Variants in MROH2B observed in about 807,000 individuals in gnomAD.
MROH2B encodes the protein maestro heat-like repeat-containing protein family member 2B.
MROH2B carries 177 observed loss-of-function variants against 208.6 expected under a neutral mutation model. That is an observed-to-expected ratio of 0.85 (90% CI 0.75 to 0.96). The LOEUF is 0.96. MROH2B is among the 40% of genes least tolerant of loss of function. The pLI, the probability that MROH2B is intolerant of heterozygous loss-of-function variation, is 0.00. For missense variants in MROH2B, 2,002 were observed against 1,878.7 expected, an observed-to-expected ratio of 1.07 and a Z score of -1.21; for synonymous variants, 728 against 659.0, an observed-to-expected ratio of 1.10 and a Z score of -1.60.
At chr5:41,061,937 A>G (rs1579959688) in intron 5 of MROH2B, among the ~76,000 whole-genome samples, 2 of 149,016 alleles carry the variant, frequency 1.3e-5, no homozygotes, top group East Asian at 3.9e-4. Flanking sequence ...CAGAATGTCT[A>G]AAATTTAAGA....
chr5:41,029,459 G>A (rs1242861235), intron 24 of MROH2B, among the ~76,000 whole-genome samples: 1 of 152,032 alleles, frequency 6.6e-6, no homozygotes, highest in Non-Finnish European at 1.5e-5. Flanking sequence ...TTGTGCTGCA[G>A]AAACTTCATA....
At chr5:41,059,183 T>G (rs930546818) in intron 6 of MROH2B, among the ~76,000 whole-genome samples, 9 of 152,222 alleles carry the variant, frequency 5.9e-5, no homozygotes, top group Non-Finnish European at 1.0e-4. Context: ...ATTTGCTATC[T>G]CTACCTCTCA....
At chr5:41,039,893 A>G (rs564512658) in intron 19 of MROH2B, among the ~76,000 whole-genome samples, 2 of 152,334 alleles carry the variant, frequency 1.3e-5, no homozygotes, top group South Asian at 4.1e-4. Flanking sequence ...AGATGGTCTC[A>G]CGGACAAGGT....
intron 5 of MROH2B, 54 bp from the exon 6 acceptor site, chr5:41,061,778 C>T (rs563842352): frequency 7.1e-5 from 109 of 1,529,296 alleles, no homozygotes; most frequent in African/African-American, 3.0e-4. Context: ...ATGGGGCAGA[C>T]GATAAAATAA....
At chr5:41,009,086 G>A (rs967583384) in intron 32 of MROH2B, among the ~76,000 whole-genome samples, 194 bp downstream of exon 32, 27 of 152,088 alleles carry the variant, frequency 1.8e-4, no homozygotes, top group Non-Finnish European at 8.8e-5. Context: ...TTTTTGGGGG[G>A]TTGATGAGAA....
intron 30 of MROH2B, among the ~76,000 whole-genome samples, chr5:41,010,342 A>G (rs1244807918): frequency 6.6e-5 from 10 of 152,240 alleles, no homozygotes; most frequent in Admixed American, 6.5e-4. Context: ...AATTTACCAA[A>G]GATGAAAAAG....
rs1302478905 is a variant in MROH2B at position 41,048,455 on chromosome 5, A to G, written c.1553T>C (p.Met518Thr). The part of the protein sequence containing the change: ...QLLARLLVIS[M>T]PASLGELRGA... ...ACGTAACTCCCCTAAACTGGCAGGC[A>G]TAGATATTACCTGAAGGATAGAAGA... Residue 518 changes from methionine to threonine, a missense_variant, in exon 16 of 42, where the codon ATG (methionine) becomes ACG (threonine). Physicochemically the swap from Met to Thr is moderately conservative, Grantham distance 81 (BLOSUM62 -1). Transcript: ENST00000399564. 3 of 1,611,986 alleles carry G rather than the reference A, an allele frequency of 1.9e-6. No individual in the cohort carries two copies. The highest frequency in any genetic ancestry group is 2.5e-6 in the Non-Finnish European group (3 of 1,179,196).
chr5:41,053,175 T>C (rs1046660893), intron 11 of MROH2B, among the ~76,000 whole-genome samples: 5 of 152,210 alleles, frequency 3.3e-5, no homozygotes, highest in African/African-American at 1.2e-4. Context: ...TTATTCACAA[T>C]TTCAGAGTCC....
At chr5:41,057,504 C>T (rs1743496197) in intron 7 of MROH2B, 144 bp from the exon 8 acceptor site, 6 of 606,962 alleles carry the variant, frequency 9.9e-6, no homozygotes. Context: ...GATTCTGGCC[C>T]CTTCCACCCT....
At chr5:41,043,203 G>T (rs894226293) in intron 18 of MROH2B, among the ~76,000 whole-genome samples, 21 of 152,292 alleles carry the variant, frequency 1.4e-4, no homozygotes, top group Admixed American at 1.0e-3. Flanking sequence ...TGAAATGAGA[G>T]GGGGGCATAA....
chr5:41,067,458 C>A (rs1352897385), intron 2 of MROH2B, among the ~76,000 whole-genome samples: 1 of 152,052 alleles, frequency 6.6e-6, no homozygotes. Flanking sequence ...CCTCTGCCTC[C>A]TGGGTTCAAC....
chr5:41,060,722 G>T (rs940127802), intron 6 of MROH2B, among the ~76,000 whole-genome samples: 3 of 152,146 alleles, frequency 2.0e-5, no homozygotes, highest in Admixed American at 1.3e-4. Flanking sequence ...CTTCCTGCAG[G>T]GAGCAAGGAG....
In MROH2B at chr5:41,015,419, C is replaced by A; in HGVS notation, c.2944G>T (p.Val982Leu). The change falls in exon 29 of 42, where the codon GTG (valine) becomes TTG (leucine). Residue 982 changes from valine (V) to leucine (L), a missense_variant. Coordinates refer to ENST00000399564, the MANE Select transcript of MROH2B (RefSeq NM_173489.5). ...GLQEGLESDD[V>L]QVQIKISSKI... ...GAAGAAATCTTGATCTGAACCTGCA[C>A]GTCATCACTTTCCAGCCCTTCCTGC... The A allele has an allele frequency of 6.2e-7, 1 of 1,613,636 alleles. No individual in the cohort carries two copies.
rs1561273089 is a variant in MROH2B at position 41,004,410 on chromosome 5, G to C, written c.4130C>G (p.Thr1377Arg). The change falls in exon 37 of 42, where the codon ACA becomes AGA. Residue 1377 changes from threonine to arginine, a missense_variant. Thr to Arg is a moderately conservative substitution (Grantham distance 71). Transcript: ENST00000399564. Reference protein sequence around the residue: ...KALKKILELLTDRDVSFYFKE... With the variant: ...KALKKILELLRDRDVSFYFKE... ...GAAGTAGAAGCTCACGTCTCGGTCT[G>C]TCAGCAGCTCCAGGATTTTTTTTAG... 1 of 1,614,014 alleles carries C rather than the reference G, an allele frequency of 6.2e-7. No homozygotes were observed. The highest frequency in any genetic ancestry group is 8.5e-7 in the Non-Finnish European group (1 of 1,179,882).
At chr5:41,005,704 T>C (rs934979002) in intron 34 of MROH2B, 59 bp from the exon 35 acceptor site, 71 of 1,350,616 alleles carry the variant, frequency 5.3e-5, no homozygotes, top group Non-Finnish European at 6.9e-5. Flanking sequence ...GAAATCTTAG[T>C]CTGTTTGTTC....
At chr5:41,002,305 G>A (rs1339459916) in intron 37 of MROH2B, among the ~76,000 whole-genome samples, 1 of 152,150 alleles carries the variant, frequency 6.6e-6, no homozygotes, top group African/African-American at 2.4e-5. Flanking sequence ...AGAACGTCTA[G>A]TCCAATGTCC....
rs896065939 is a variant in MROH2B, at chr5:41,015,431, C to T, written c.2932G>A (p.Glu978Lys). The change falls in exon 29 of 42, where the codon GAA (glutamate) becomes AAA (lysine). Residue 978 changes from glutamate (E) to lysine (K), a missense_variant. Coordinates refer to ENST00000399564, the MANE Select transcript of MROH2B (RefSeq NM_173489.5). ...ATCTGAACCTGCACGTCATCACTTTCCAGCCCTTCCTGCAAACCCTGCAGT... is the reference window on the plus strand; with the variant it reads ...ATCTGAACCTGCACGTCATCACTTTTCAGCCCTTCCTGCAAACCCTGCAGT... Reference protein sequence around the residue: ...ERLQGLQEGLESDDVQVQIKI... With the variant: ...ERLQGLQEGLKSDDVQVQIKI... 1.9e-6 allele frequency: 3 copies of T among 1,613,498 alleles called. No homozygotes were observed. Among genetic ancestry groups the T allele is most frequent in the Admixed American group, 1.7e-5 (1 of 59,936 alleles).
intron 30 of MROH2B, among the ~76,000 whole-genome samples, chr5:41,012,082 C>G (rs1741791675): frequency 6.6e-6 from 1 of 152,170 alleles, no homozygotes; most frequent in South Asian, 2.1e-4. Flanking sequence ...AATTTAAATC[C>G]TGTTCACTCT....
intron 24 of MROH2B, among the ~76,000 whole-genome samples, chr5:41,032,257 C>A (rs1468595113): frequency 6.6e-6 from 1 of 152,052 alleles, no homozygotes; most frequent in Non-Finnish European, 1.5e-5. Flanking sequence ...TTAGTAATAG[C>A]CATTCTGATT....
Sources: allele counts gnomAD v4.1 joint callset (sites outside exome capture counted in the v4.1 genomes callset), GRCh38; gene constraint gnomAD v4.1.1; transcripts MANE v1.5; gene names NCBI Gene and HGNC (gene_info 2026-07-23, HGNC 2026-07-21).